SETD2: variants seen among roughly 807,000 people sequenced by gnomAD.
SETD2 encodes SET domain containing 2, histone lysine methyltransferase.
Under a neutral mutation model 242.1 loss-of-function variants are expected in SETD2, and 31 were observed. The ratio of observed to expected loss-of-function variants is 0.13; its 90% CI spans 0.10 to 0.17. The LOEUF is 0.17. Ranked by LOEUF, SETD2 falls within the 10% of genes least tolerant of loss-of-function variation. The pLI, the probability that SETD2 is intolerant of heterozygous loss-of-function variation, is 1.00. For synonymous variants in SETD2, 1,006 were observed against 1,066.5 expected, an observed-to-expected ratio of 0.94 and a Z score of 1.11; for missense variants, 2,481 against 3,046.3, an observed-to-expected ratio of 0.81 and a Z score of 4.37.
chr3:47,052,751 G>T (rs781781518), intron 15 of SETD2, among the ~76,000 whole-genome samples: 1 of 151,952 alleles, frequency 6.6e-6, no homozygotes, highest in Non-Finnish European at 1.5e-5. Flanking sequence ...GGGAGGCAGA[G>T]GTTGCAATGA....
intron 12 of SETD2, among the ~76,000 whole-genome samples, chr3:47,069,970 T>C (rs182558861): frequency 1.2e-4 from 18 of 152,334 alleles, no homozygotes; most frequent in Admixed American, 1.2e-3. Flanking sequence ...TCTGTAAACC[T>C]AGGCACTCCA....
chr3:47,055,392 C>G (rs1256087785), intron 15 of SETD2, among the ~76,000 whole-genome samples: 1 of 152,058 alleles, frequency 6.6e-6, no homozygotes, highest in Non-Finnish European at 1.5e-5. Flanking sequence ...ATGCTTTGAA[C>G]ATTTTTTTTT....
At chr3:47,073,764 GAA>G (rs2040930873) in intron 12 of SETD2, among the ~76,000 whole-genome samples, 1 of 152,164 alleles carries the variant, frequency 6.6e-6, no homozygotes, top group Non-Finnish European at 1.5e-5. Flanking sequence ...ATACATATGA[GAA>G]AAATTAAATC....
At chr3:47,087,964 TAAACAAACAAACAAAC>T (rs56810001) in intron 10 of SETD2, 133 bp downstream of exon 10, 13 of 740,926 alleles carry the variant, frequency 1.8e-5, no homozygotes, top group Admixed American at 1.1e-4. Context: ...AGACCCCATC[TAAACAAACAAACAAAC>T]AAACAAACAA....
intron 1 of SETD2, among the ~76,000 whole-genome samples, chr3:47,162,763 T>A (rs182700861): frequency 1.0e-3 from 153 of 152,310 alleles, no homozygotes; most frequent in African/African-American, 3.3e-3. Flanking sequence ...AAATCAATAG[T>A]ATATTCCTAG....
At chr3:47,042,452 A>G (rs988362745) in intron 17 of SETD2, 109 bp downstream of exon 17, 6 of 1,026,092 alleles carry the variant, frequency 5.8e-6, no homozygotes, top group Non-Finnish European at 9.0e-6. Flanking sequence ...CTTCAAGCAC[A>G]GTGAAAAGCT....
rs1349363771 is a variant in SETD2 at position 47,062,175 on chromosome 3, C to T, written c.6281G>A (p.Arg2094Lys). ...ACAGGCCACTTACCTGTCATCTGGC[C>T]TTTTTGTTCCCCGCTCATAGGCAGA... is the stretch of plus-strand genomic sequence containing the variant. ...PSSAYERGTK[R>K]PDDRYDTPTS... Residue 2094 changes from arginine (R) to lysine (K), a missense_variant, in exon 14 of 21, where the codon AGG (arginine) becomes AAG (lysine). Around this residue, in one of 17 missense-constraint regions of SETD2, gnomAD observed 80 missense variants for 102.6 expected, o/e 0.78. Transcript: ENST00000409792. 1 of 1,612,958 alleles carries T rather than the reference C, an allele frequency of 6.2e-7. No individual in the cohort carries two copies. The highest frequency in any genetic ancestry group is 2.2e-5 in the East Asian group (1 of 44,890).
chr3:47,057,528 A>G (rs1316803060), intron 14 of SETD2, 38 bp from the exon 15 acceptor site: 1 of 1,479,468 alleles, frequency 6.8e-7, no homozygotes, highest in East Asian at 2.3e-5. Context: ...GTTGCTCCCT[A>G]AATCATAGAC....
At chr3:47,032,080 C>A (rs2038795236) in intron 18 of SETD2, among the ~76,000 whole-genome samples, 1 of 152,112 alleles carries the variant, frequency 6.6e-6, no homozygotes, top group East Asian at 1.9e-4. Context: ...TGTGAATGTA[C>A]CAAATGTGAC....
At chr3:47,066,856 C>T (rs1014801517) in intron 13 of SETD2, 3 of 407,186 alleles carry the variant, frequency 7.4e-6, no homozygotes, top group South Asian at 7.4e-5. Flanking sequence ...TCAAGGAAAG[C>T]GACAACAAAA....
intron 16 of SETD2, among the ~76,000 whole-genome samples, chr3:47,045,304 G>C (rs903341335): frequency 1.3e-5 from 2 of 152,066 alleles, no homozygotes; most frequent in Non-Finnish European, 2.9e-5. Flanking sequence ...TAGATCACGA[G>C]GTCAGGAGAT....
chr3:47,138,135 C>T (rs1479796797), intron 1 of SETD2: 1 of 151,384 alleles, frequency 6.6e-6, no homozygotes, highest in African/African-American at 2.5e-5. Context: ...CCACGCCTGG[C>T]TAATTTTTTT....
At chr3:47,150,922 A>T (rs1431957536) in intron 1 of SETD2, among the ~76,000 whole-genome samples, 1 of 42,200 alleles carries the variant, frequency 2.4e-5, no homozygotes, top group African/African-American at 4.7e-5. Context: ...CCTATCTTTA[A>T]AAAAAAAAAA....
Position 47,067,122 on chromosome 3 carries a change from C to T in SETD2, c.6061-4G>A. ...TCTTTGGAATTCGATATACCTCCTGCAAAAAATAAACCAGAGGGAGGGTTA... is the reference window on the plus strand; with the variant it reads ...TCTTTGGAATTCGATATACCTCCTGTAAAAAATAAACCAGAGGGAGGGTTA... On this transcript the variant is annotated splice_polypyrimidine_tract_variant and splice_region_variant and intron_variant, in intron 12 of 20. Coordinates refer to ENST00000409792, the MANE Select transcript of SETD2 (RefSeq NM_014159.7). 6.2e-7 allele frequency: 1 copy of T among 1,609,554 alleles called. No homozygotes were observed. Among genetic ancestry groups the T allele is most frequent in the Middle Eastern group, 1.7e-4 (1 of 6,014 alleles).
intron 12 of SETD2, among the ~76,000 whole-genome samples, chr3:47,077,842 A>G (rs2041158470): frequency 6.6e-6 from 1 of 152,234 alleles, no homozygotes; most frequent in East Asian, 1.9e-4. Flanking sequence ...GAATGACACA[A>G]AAGCCAACAT....
chr3:47,049,101 G>A (rs572576647), intron 15 of SETD2, among the ~76,000 whole-genome samples: 29 of 150,984 alleles, frequency 1.9e-4, no homozygotes, highest in Middle Eastern at 6.8e-3. Flanking sequence ...GTGCCACCAC[G>A]CCCAGCTAAT....
In SETD2 at chr3:47,123,519, T is replaced by C; in HGVS notation, c.1117A>G (p.Arg373Gly). The change falls in exon 3 of 21, where the codon AGA becomes GGA. Residue 373 changes from arginine (R) to glycine (G), a missense_variant. By Grantham distance (125) the Arg-to-Gly change is moderately radical. Coordinates refer to ENST00000409792, the MANE Select transcript of SETD2 (RefSeq NM_014159.7). The stretch of plus-strand genomic sequence containing the variant: ...GAATAGCTAAAATATTTATCATCTC[T>C]GTCTGTTTTAGATCGTGAAGGTTTC... ...LGKPSRSKTD[R>G]DDKYFSYSKL... 6.4e-7 allele frequency: 1 copy of C among 1,550,852 alleles called. No homozygotes were observed. The highest frequency in any genetic ancestry group is 8.7e-7 in the Non-Finnish European group (1 of 1,146,972).
chr3:47,040,008 A>T (rs2039206720), intron 17 of SETD2, among the ~76,000 whole-genome samples: 1 of 151,252 alleles, frequency 6.6e-6, no homozygotes, highest in Admixed American at 6.6e-5. Flanking sequence ...ATAGAGTCTC[A>T]CTCTGTCACC....
chr3:47,044,937 T>C (rs373171354), intron 16 of SETD2, among the ~76,000 whole-genome samples: 3 of 152,222 alleles, frequency 2.0e-5, no homozygotes, highest in Admixed American at 6.5e-5. Context: ...TTTCAAGCTA[T>C]ACATTTTCAA....
Sources: allele counts gnomAD v4.1 joint callset (sites outside exome capture counted in the v4.1 genomes callset), GRCh38; gene constraint gnomAD v4.1.1; regional missense constraint gnomAD v4.1.1; transcripts MANE v1.5; gene names NCBI Gene and HGNC (gene_info 2026-07-23, HGNC 2026-07-21).